CCDC134: variants seen among roughly 807,000 people sequenced by gnomAD.
The protein encoded by CCDC134 is coiled-coil domain containing 134, also known as coiled-coil domain-containing protein 134.
Under a neutral mutation model 25.6 loss-of-function variants are expected in CCDC134, and 27 were observed. The observed-to-expected ratio is 1.05, with a 90% CI of 0.78 to 1.45. The LOEUF (loss-of-function observed/expected upper bound fraction) is 1.45. Among genes scored for constraint, CCDC134 ranks in the 40% most tolerant of loss-of-function variants. The pLI, the probability that CCDC134 is intolerant of heterozygous loss-of-function variation, is 0.00. For synonymous variants in CCDC134, 110 were observed against 115.0 expected (o/e 0.96, Z 0.28); for missense variants, 261 against 286.7 (o/e 0.91, Z 0.65).
intron 6 of CCDC134, among the ~76,000 whole-genome samples, chr22:41,815,584 G>T (rs2076619228): frequency 6.6e-6 from 1 of 152,094 alleles, no homozygotes; most frequent in Non-Finnish European, 1.5e-5. Flanking sequence ...CTGTCAATTA[G>T]TCTCATACTT....
intron 6 of CCDC134, among the ~76,000 whole-genome samples, chr22:41,820,528 C>T (rs1253374910): frequency 9.9e-5 from 15 of 152,150 alleles, no homozygotes; most frequent in Admixed American, 6.5e-5. Flanking sequence ...GGTGTGGAGG[C>T]TGCTGTGCTC....
chr22:41,810,498 T>G (rs2076590144), intron 4 of CCDC134, among the ~76,000 whole-genome samples: 2 of 138,254 alleles, frequency 1.4e-5, no homozygotes, highest in South Asian at 4.9e-4. Context: ...TCTTTTTTTT[T>G]TTTTTTTTTT....
Position 41,825,828 on chromosome 22 carries a change from G to A in CCDC134, c.*5G>A. On this transcript the variant is annotated 3_prime_UTR_variant, in exon 7 of 7. Transcript: ENST00000255784. The surrounding 1 kb of genome is among the most constrained non-coding windows in gnomAD (Gnocchi z 4.4). ...AGATCCCAGTCTGAGTTATAGCCCT[G>A]GAGCAGCTCAGGGCTCAGGGGGCCA... 2 of 1,613,946 alleles carry A rather than the reference G, an allele frequency of 1.2e-6. No individual in the cohort carries two copies. Among genetic ancestry groups the A allele is most frequent in the Middle Eastern group, 3.3e-4 (2 of 6,026 alleles).
intron 6 of CCDC134, among the ~76,000 whole-genome samples, chr22:41,816,898 C>CT (rs1299895006): frequency 6.6e-6 from 1 of 152,112 alleles, no homozygotes; most frequent in Non-Finnish European, 1.5e-5. Context: ...AGCCTGGCGA[C>CT]TGAGTGAGAC....
At chr22:41,809,061 G>C in intron 2 of CCDC134, 68 bp downstream of exon 2, 1 of 1,301,432 alleles carries the variant, frequency 7.7e-7, no homozygotes, top group Non-Finnish European at 1.1e-6. Context: ...TTCTACTCAG[G>C]GATTCCAGGG....
intron 6 of CCDC134, among the ~76,000 whole-genome samples, chr22:41,815,467 A>G (rs141925944): frequency 0.054 from 8,189 of 151,962 alleles, 697 homozygotes; most frequent in African/African-American, 0.19. Context: ...GGCCTCCCAA[A>G]GTGCTTGGAT....
rs566529733 is a variant in CCDC134, at chr22:41,810,057, T to C, written c.225+57T>C. 6 of 1,609,234 alleles carry C rather than the reference T, an allele frequency of 3.7e-6. No homozygotes were observed. The African/African-American group carries it at 8.0e-5, about 22-fold the overall frequency. Reference sequence around the variant, plus strand: ...GTCCAGTCTTTGATCTAGGCACTGATGGGTAAACAGGAGTTCCCTAACGGG... The same window carrying C: ...GTCCAGTCTTTGATCTAGGCACTGACGGGTAAACAGGAGTTCCCTAACGGG... On this transcript the variant is annotated intron_variant, in intron 3 of 6. Coordinates refer to ENST00000255784, the MANE Select transcript of CCDC134 (RefSeq NM_024821.5).
chr22:41,809,739 C>T, intron 2 of CCDC134, 140 bp from the exon 3 acceptor site: 1 of 1,069,590 alleles, frequency 9.3e-7, no homozygotes, highest in Non-Finnish European at 1.3e-6. Context: ...TCAGTTTGTT[C>T]ATTTCCTGGA....
rs1351086501 is a variant in CCDC134 at position 41,826,638 on chromosome 22, T to G, written c.*815T>G. Reference sequence around the variant, plus strand: ...GCAGCGCTGGAAGACAGTCAACCTGTGGGTGGGGGGCTGCAGGGGGACAGG... The same window carrying G: ...GCAGCGCTGGAAGACAGTCAACCTGGGGGTGGGGGGCTGCAGGGGGACAGG... On this transcript the variant is annotated 3_prime_UTR_variant, in exon 7 of 7. Coordinates refer to ENST00000255784, the MANE Select transcript of CCDC134 (RefSeq NM_024821.5). 6.6e-6 allele frequency among the ~76,000 whole-genome samples: 1 copy of G among 152,104 alleles called. No homozygotes were observed. The highest frequency in any genetic ancestry group is 2.4e-5 in the African/African-American group (1 of 41,424).
chr22:41,822,548 TG>T (rs1223878962), intron 6 of CCDC134, among the ~76,000 whole-genome samples: 1 of 152,096 alleles, frequency 6.6e-6, no homozygotes, highest in Non-Finnish European at 1.5e-5. Flanking sequence ...ATTCAAAAGA[TG>T]ACTAGGCACT....
rs774370490 is a variant in CCDC134, at chr22:41,810,263, C to G, written c.282C>G (p.Pro94=). The change falls in exon 4 of 7, where the codon CCC becomes CCG. Residue 94 remains proline (P), a synonymous_variant. Coordinates refer to ENST00000255784, the MANE Select transcript of CCDC134 (RefSeq NM_024821.5). ...LTAADVLPDG[P]FPQDEKLKDA... The stretch of plus-strand genomic sequence containing the variant: ...CTGCTGATGTGCTCCCAGATGGGCC[C>G]TTCCCCCAGGACGAGAAGCTGAAGG... The G allele has an allele frequency of 8.7e-6, 14 of 1,613,988 alleles. No individual in the cohort carries two copies. The highest frequency in any genetic ancestry group is 1.2e-5 in the Non-Finnish European group (14 of 1,180,016).
intron 4 of CCDC134, 26 bp downstream of exon 4, chr22:41,810,317 T>C (rs1322171165): frequency 3.1e-6 from 5 of 1,592,864 alleles, no homozygotes; most frequent in Non-Finnish European, 4.3e-6. Flanking sequence ...CCCCGCCCTG[T>C]CCTCCGCACC....
chr22:41,824,524 G>A (rs1041025861), intron 6 of CCDC134, among the ~76,000 whole-genome samples: 1 of 152,184 alleles, frequency 6.6e-6, no homozygotes, highest in East Asian at 1.9e-4. Context: ...ACTTTGGGAG[G>A]CTGAGGCGGA....
chr22:41,808,161 A>T (rs1405982678), intron 1 of CCDC134, among the ~76,000 whole-genome samples: 1 of 147,184 alleles, frequency 6.8e-6, no homozygotes, highest in Non-Finnish European at 1.5e-5. Flanking sequence ...ACTCCATCTT[A>T]AAAAAAAAAA....
intron 6 of CCDC134, among the ~76,000 whole-genome samples, chr22:41,818,734 T>C (rs752035174): frequency 3.9e-5 from 6 of 152,234 alleles, no homozygotes; most frequent in Non-Finnish European, 8.8e-5. Flanking sequence ...CAAGGTTGCA[T>C]GCTGCAATCA....
intron 1 of CCDC134, among the ~76,000 whole-genome samples, chr22:41,802,116 T>C (rs1200778452): frequency 6.6e-6 from 1 of 152,134 alleles, no homozygotes; most frequent in Non-Finnish European, 1.5e-5. Flanking sequence ...CATTTGTGCA[T>C]AAGAACCCTC....
At chr22:41,810,943 G>T (rs2076593160) in intron 4 of CCDC134, among the ~76,000 whole-genome samples, 1 of 152,188 alleles carries the variant, frequency 6.6e-6, no homozygotes, top group African/African-American at 2.4e-5. Context: ...GAGGACAAGT[G>T]ATTTGCCTTG....
At chr22:41,808,415 C>T (rs1392678501) in intron 1 of CCDC134, among the ~76,000 whole-genome samples, 2 of 151,982 alleles carry the variant, frequency 1.3e-5, no homozygotes, top group East Asian at 3.9e-4. Flanking sequence ...TCCTGGGAGA[C>T]CAGGATAGGG....
intron 1 of CCDC134, among the ~76,000 whole-genome samples, chr22:41,808,397 A>G (rs1373817743): frequency 4.6e-5 from 7 of 152,056 alleles, no homozygotes; most frequent in Admixed American, 4.6e-4. Flanking sequence ...TTCCTTGACC[A>G]GATGCTTTCC....
Sources: allele counts gnomAD v4.1 joint callset (sites outside exome capture counted in the v4.1 genomes callset), GRCh38; gene constraint gnomAD v4.1.1; non-coding constraint Gnocchi (gnomAD v3.1); transcripts MANE v1.5; gene names NCBI Gene and HGNC (gene_info 2026-07-23, HGNC 2026-07-21).